BRWD1: variants seen among roughly 807,000 people sequenced by gnomAD.
BRWD1 encodes bromodomain and WD repeat domain containing 1.
In BRWD1, 82 loss-of-function variants were observed where a neutral mutation model predicts 251.2. The ratio of observed to expected loss-of-function variants is 0.33; its 90% CI spans 0.27 to 0.39. The LOEUF (loss-of-function observed/expected upper bound fraction) is 0.39. BRWD1 is among the 10% of genes least tolerant of loss of function. The pLI, the probability that BRWD1 is intolerant of heterozygous loss-of-function variation, is 1.00. For missense variants in BRWD1, 2,233 were observed against 2,711.6 expected, an observed-to-expected ratio of 0.82 and a Z score of 3.92; for synonymous variants, 918 against 902.8, an observed-to-expected ratio of 1.02 and a Z score of -0.30.
chr21:39,196,766 G>T lies in BRWD1; in HGVS notation c.6303C>A (p.Leu2101=). The T allele has an allele frequency of 6.2e-7, 1 of 1,613,294 alleles. No individual in the cohort carries two copies. Among genetic ancestry groups the T allele is most frequent in the Non-Finnish European group, 8.5e-7 (1 of 1,179,888 alleles). The change falls in exon 41 of 41, where the codon CTC becomes CTA. Residue 2101 remains leucine, a synonymous_variant. Transcript: ENST00000342449. ...YGLRRWNGRR[L]RTYGKAPFSK... is the part of the protein sequence containing the mutation. Reference sequence around the variant, plus strand: ...TAAAAGGAGCCTTTCCATAGGTCCTGAGTCTTCTGCCATTCCACCTGCGCA... The same window carrying T: ...TAAAAGGAGCCTTTCCATAGGTCCTTAGTCTTCTGCCATTCCACCTGCGCA...
rs11298805 is a variant in BRWD1, at chr21:39,245,601, G to GTT, written c.2481+2098_2481+2099dup. On this transcript the variant is annotated intron_variant, in intron 21 of 40. Transcript: ENST00000342449. ...GTAGTATTAAATACTTTTTTTTTTG[G>GTT]TTTTTTTTTTTTTTTGAAACAAGAG... 3.1e-3 allele frequency among the ~76,000 whole-genome samples: 374 copies of GTT among 118,812 alleles called. 2 individuals are homozygous for GTT. Among genetic ancestry groups the GTT allele is most frequent in the African/African-American group, 0.011 (356 of 31,856 alleles). The allele number at this position is 118,812 out of a possible 152,430, so 77.9% of individuals were successfully genotyped here. A position where few individuals can be genotyped will look rare whatever the true frequency, so the allele number is the denominator to read the frequency against.
intron 3 of BRWD1, 85 bp downstream of exon 3, chr21:39,312,987 G>GGGGGC: frequency 5.8e-6 from 6 of 1,031,914 alleles, no homozygotes; most frequent in African/African-American, 1.7e-5. Context: ...GCGGCGGGCG[G>GGGGGC]CGGGCGGGGG....
In BRWD1 at chr21:39,313,095, C is replaced by T; in HGVS notation, c.115G>A (p.Val39Met). Residue 39 changes from valine to methionine, a missense_variant, in exon 3 of 41, where the codon GTG becomes ATG. Around this residue, in one of 12 missense-constraint regions of BRWD1, gnomAD observed 101 missense variants for 95.6 expected, o/e 1.06. Transcript: ENST00000342449. ...GPCRRAAQVL[V>M]QELEQYQLLP... ...ACCTGGTACTGCTCCAGCTCCTGCA[C>T]CAGCACCTGCGGCCGAGAGACGCGC... 6.7e-7 allele frequency: 1 copy of T among 1,493,282 alleles called. No individual in the cohort carries two copies. Among genetic ancestry groups the T allele is most frequent in the Non-Finnish European group, 8.9e-7 (1 of 1,123,724 alleles). 92.5% of individuals were successfully genotyped at this position (1,493,282 alleles called of 1,614,324 possible).
chr21:39,312,490 G>A (rs1204616185), intron 4 of BRWD1: 1 of 200,884 alleles, frequency 5.0e-6, no homozygotes, highest in Non-Finnish European at 1.0e-5. Context: ...CGAGTTACAA[G>A]CGCGGTGGAG....
chr21:39,200,095 T>C (rs1184512108), intron 39 of BRWD1, 124 bp downstream of exon 39: 2 of 965,190 alleles, frequency 2.1e-6, no homozygotes, highest in Non-Finnish European at 2.9e-6. Flanking sequence ...CCTTCCTAAA[T>C]CTAAGGAACC....
At chr21:39,207,488 A>ACACACACAC (rs781703011) in intron 36 of BRWD1, among the ~76,000 whole-genome samples, 1 of 149,902 alleles carries the variant, frequency 6.7e-6, no homozygotes, top group Non-Finnish European at 1.5e-5. Context: ...ACACACAAAC[A>ACACACACAC]AAACTCCAAA....
Position 39,277,354 on chromosome 21 carries a change from G to A in BRWD1, c.1004-3C>T. The A allele has an allele frequency of 6.4e-7, 1 of 1,560,708 alleles. No individual in the cohort carries two copies. Among genetic ancestry groups the A allele is most frequent in the Non-Finnish European group, 8.7e-7 (1 of 1,147,880 alleles). On this transcript the variant is annotated splice_region_variant and splice_polypyrimidine_tract_variant and intron_variant, in intron 10 of 40. Coordinates refer to ENST00000342449, the MANE Select transcript of BRWD1 (RefSeq NM_033656.4). ...ACCTGTGGCTAAAAACATACCACCT[G>A]AAATAAAAATGGTAAGGTTTAAACA...
At chr21:39,264,859 C>T (rs1460903896) in intron 16 of BRWD1, 32 bp downstream of exon 16, 18 of 1,603,834 alleles carry the variant, frequency 1.1e-5, no homozygotes, top group Non-Finnish European at 1.5e-5. Context: ...ATAACTATTA[C>T]TTGCATGCTA....
At position 39,281,461 on chromosome 21, in the gene BRWD1, G is replaced by A. The variant is rs1033679281; in HGVS notation, c.832-1213C>T. Among the ~76,000 whole-genome samples the A allele has an allele frequency of 5.3e-5, 8 of 152,222 alleles. No individual in the cohort carries two copies. In the East Asian group the frequency reaches 5.8e-4, roughly 11 times the overall value. ...TGTAATCCCAGCGCTTTGTGGGGCC[G>A]AGGAGTGAGAATTGCTTGAGTCCAA... On this transcript the variant is annotated intron_variant, in intron 8 of 40. Transcript: ENST00000342449.
At chr21:39,231,432 T>A (rs2033612532) in intron 25 of BRWD1, among the ~76,000 whole-genome samples, 1 of 152,220 alleles carries the variant, frequency 6.6e-6, no homozygotes. Flanking sequence ...ACTGTGTGAA[T>A]GCACCATGAT....
intron 5 of BRWD1, chr21:39,297,584 T>C (rs1568967066): frequency 2.2e-5 from 6 of 277,308 alleles, no homozygotes; most frequent in South Asian, 1.4e-4. Flanking sequence ...ATATAAACAG[T>C]GTCCTGATTA....
rs34013314 is a variant in BRWD1, at chr21:39,303,519, C to CAAA, written c.199-4940_199-4938dup. On this transcript the variant is annotated intron_variant, in intron 4 of 40. Coordinates refer to ENST00000342449, the MANE Select transcript of BRWD1 (RefSeq NM_033656.4). Reference sequence around the variant, plus strand: ...GGGCAACAGAGCGAGACTCCATCTCCAAAAAAAAAAAAAAAAAAAATTATT... The same window carrying CAAA: ...GGGCAACAGAGCGAGACTCCATCTCCAAAAAAAAAAAAAAAAAAAAAAATTATT... Among the ~76,000 whole-genome samples the CAAA allele has an allele frequency of 1.7e-4, 16 of 91,684 alleles. 1 individual carries two copies. The highest frequency in any genetic ancestry group is 2.6e-4 in the Non-Finnish European group (13 of 49,480). The allele number at this position is 91,684 out of a possible 152,430, so 60.1% of individuals were successfully genotyped here. A position where few individuals can be genotyped will look rare whatever the true frequency, so the allele number is the denominator to read the frequency against.
At position 39,190,303 on chromosome 21, in the gene BRWD1, A is replaced by C. The variant is rs2031485741; in HGVS notation, c.*5956T>G. The C allele has an allele frequency of 1.0e-6, 1 of 985,036 alleles. No homozygotes were observed. The highest frequency in any genetic ancestry group is 1.7e-5 in the African/African-American group (1 of 57,342). The allele number at this position is 985,036 out of a possible 1,614,324, so 61.0% of individuals were successfully genotyped here. On this transcript the variant is annotated 3_prime_UTR_variant, in exon 41 of 41. Transcript: ENST00000342449. ...TTCATCATACAAAACTGTTTTCCTAAATTCAAAGTAAACTGCATATGGTTA... is the reference window on the plus strand; with the variant it reads ...TTCATCATACAAAACTGTTTTCCTACATTCAAAGTAAACTGCATATGGTTA...
chr21:39,292,747 C>T (rs1276975071), intron 8 of BRWD1, among the ~76,000 whole-genome samples: 2 of 152,050 alleles, frequency 1.3e-5, no homozygotes, highest in Non-Finnish European at 2.9e-5. Context: ...AAACTGCAAG[C>T]GAATTTTTTT....
intron 18 of BRWD1, among the ~76,000 whole-genome samples, chr21:39,256,742 C>T (rs2146629532): frequency 6.6e-6 from 1 of 152,326 alleles, no homozygotes; most frequent in African/African-American, 2.4e-5. Context: ...GCTCCTGCTA[C>T]TAACACAACA....
chr21:39,236,544 A>G, intron 23 of BRWD1, 51 bp downstream of exon 23: 1 of 1,402,696 alleles, frequency 7.1e-7, no homozygotes, highest in East Asian at 2.4e-5. Flanking sequence ...GAAATGGGGT[A>G]AAGCTGGGGT....
upstream of BRWD1, among the ~76,000 whole-genome samples, chr21:39,316,674 C>A (rs180889387): frequency 7.4e-4 from 113 of 152,348 alleles, no homozygotes; most frequent in Non-Finnish European, 1.2e-3. Context: ...CACAGTGGCT[C>A]ACACCTGTAA....
At chr21:39,270,103 C>G (rs879505217) in intron 14 of BRWD1, 70 bp from the exon 15 acceptor site, 63 of 1,345,998 alleles carry the variant, frequency 4.7e-5, no homozygotes, top group Non-Finnish European at 5.5e-5. Flanking sequence ...AAAATACATA[C>G]TGTTACAGCA....
At chr21:39,247,021 T>C (rs1373577896) in intron 21 of BRWD1, among the ~76,000 whole-genome samples, 1 of 150,670 alleles carries the variant, frequency 6.6e-6, no homozygotes, top group African/African-American at 2.4e-5. Context: ...GAGGTTGCAG[T>C]GAGCCGAGAT....
Sources: gnomAD v4.1 joint callset for allele counts (sites outside exome capture counted in the v4.1 genomes callset) on GRCh38, gnomAD v4.1.1 for gene constraint, gnomAD v4.1.1 regional missense constraint, MANE v1.5 for transcripts, NCBI Gene and HGNC (gene_info 2026-07-23, HGNC 2026-07-21) for gene names.